Variants in INPP5F observed in about 807,000 individuals in gnomAD.
INPP5F encodes phosphatidylinositide 4-phosphatase SAC2.
A neutral mutation model predicts 137.2 loss-of-function variants in INPP5F; 97 were observed. That is an observed-to-expected ratio of 0.71 (90% CI 0.60 to 0.84). The LOEUF (loss-of-function observed/expected upper bound fraction) is 0.84, where lower values mean the gene tolerates loss of function less well. INPP5F is among the 40% of genes least tolerant of loss of function. INPP5F has a pLI of 0.00. For synonymous variants in INPP5F, 504 were observed against 476.9 expected, an observed-to-expected ratio of 1.06 and a Z score of -0.74; for missense variants, 1,271 against 1,371.9, an observed-to-expected ratio of 0.93 and a Z score of 1.16.
At chr10:119,776,638 A>T (rs575973167) in intron 2 of INPP5F, among the ~76,000 whole-genome samples, 2 of 152,160 alleles carry the variant, frequency 1.3e-5, no homozygotes, top group South Asian at 2.1e-4. Context: ...GGGCAAGAAG[A>T]TGTAAACTAG....
At chr10:119,766,432 C>T (rs968253481) in intron 2 of INPP5F, among the ~76,000 whole-genome samples, 3 of 152,130 alleles carry the variant, frequency 2.0e-5, no homozygotes, top group Non-Finnish European at 4.4e-5. Context: ...GTCAGAGGTT[C>T]TGTTTCTGAC....
chr10:119,751,550 C>T (rs547076873), intron 2 of INPP5F, among the ~76,000 whole-genome samples: 9 of 152,216 alleles, frequency 5.9e-5, no homozygotes, highest in Non-Finnish European at 1.3e-4. Context: ...CTGCCAGAGA[C>T]GAGTATGGGT....
chr10:119,809,092 G>A (rs1007247911), intron 13 of INPP5F, among the ~76,000 whole-genome samples: 9 of 152,008 alleles, frequency 5.9e-5, no homozygotes, highest in South Asian at 2.1e-4. Flanking sequence ...GCATGGTGGC[G>A]TGCGCCTGTA....
chr10:119,734,429 T>C (rs1848166494), intron 1 of INPP5F, among the ~76,000 whole-genome samples: 3 of 152,210 alleles, frequency 2.0e-5, no homozygotes, highest in Admixed American at 2.0e-4. Flanking sequence ...TACTTTCAGG[T>C]TCTTAGGGTA....
chr10:119,726,324 G>T lies in INPP5F; in HGVS notation c.62G>T (p.Cys21Phe). The change falls in exon 1 of 20, where the codon TGC becomes TTC. Residue 21 changes from cysteine to phenylalanine, a missense_variant. Cys to Phe is a radical substitution (Grantham distance 205, BLOSUM62 -2). Transcript: ENST00000650623. ...CAGCAGGGCGAGCGCGCGCTGTGGT[G>T]CAGCCGCCGCGACGGCGGCCTCCAG... ...ILQQGERALW[C>F]SRRDGGLQLR... 6.8e-7 allele frequency: 1 copy of T among 1,472,600 alleles called. No homozygotes were observed. The allele number at this position is 1,472,600 out of a possible 1,614,324, so 91.2% of individuals were successfully genotyped here.
Position 119,827,904 on chromosome 10 carries a change from T to C in INPP5F, c.*124T>C. On this transcript the variant is annotated 3_prime_UTR_variant, in exon 20 of 20. Coordinates refer to ENST00000650623, the MANE Select transcript of INPP5F (RefSeq NM_014937.4). ...AAATTCTGTTCATTGGAAAGGGTTT[T>C]AAACGGAGTCGGAACCTGAGTAGAT... The C allele has an allele frequency of 1.3e-6, 1 of 783,230 alleles. No individual in the cohort carries two copies. The highest frequency in any genetic ancestry group is 2.0e-6 in the Non-Finnish European group (1 of 497,924). The allele number at this position is 783,230 out of a possible 1,614,324, so 48.5% of individuals were successfully genotyped here.
At chr10:119,746,266 C>T (rs1848529594) in intron 1 of INPP5F, among the ~76,000 whole-genome samples, 1 of 152,158 alleles carries the variant, frequency 6.6e-6, no homozygotes, top group Admixed American at 6.5e-5. Context: ...GTCCTTATGC[C>T]TGATGCGCCA....
intron 6 of INPP5F, among the ~76,000 whole-genome samples, chr10:119,796,043 G>A (rs1035056794): frequency 1.3e-5 from 2 of 149,610 alleles, no homozygotes; most frequent in South Asian, 4.4e-4. Context: ...GTCCAGCTTC[G>A]GCTGGGCATC....
chr10:119,737,169 T>C (rs899788846), intron 1 of INPP5F, among the ~76,000 whole-genome samples: 2 of 152,236 alleles, frequency 1.3e-5, no homozygotes, highest in African/African-American at 4.8e-5. Context: ...CTTTAATCTT[T>C]TAAATATTCT....
chr10:119,774,025 G>A (rs1429487816), intron 2 of INPP5F, among the ~76,000 whole-genome samples: 4 of 152,128 alleles, frequency 2.6e-5, no homozygotes, highest in African/African-American at 7.2e-5. Context: ...AGCACTTTGG[G>A]AGGCCAAGGT....
At chr10:119,761,111 G>T (rs1175628110) in intron 2 of INPP5F, among the ~76,000 whole-genome samples, 1 of 152,038 alleles carries the variant, frequency 6.6e-6, no homozygotes. Context: ...TTATTTCAAG[G>T]TTATTTCATT....
In INPP5F at chr10:119,726,324, G is replaced by A. The variant is rs1847886519; in HGVS notation, c.62G>A (p.Cys21Tyr). The A allele has an allele frequency of 2.7e-6, 4 of 1,472,602 alleles. No homozygotes were observed. The highest frequency in any genetic ancestry group is 3.6e-6 in the Non-Finnish European group (4 of 1,109,426). The allele number at this position is 1,472,602 out of a possible 1,614,324, so 91.2% of individuals were successfully genotyped here. ...ILQQGERALW[C>Y]SRRDGGLQLR... Reference sequence around the variant, plus strand: ...CAGCAGGGCGAGCGCGCGCTGTGGTGCAGCCGCCGCGACGGCGGCCTCCAG... The same window carrying A: ...CAGCAGGGCGAGCGCGCGCTGTGGTACAGCCGCCGCGACGGCGGCCTCCAG... The change falls in exon 1 of 20, where the codon TGC (cysteine) becomes TAC (tyrosine). Residue 21 changes from cysteine (C) to tyrosine (Y), a missense_variant. Physicochemically the swap from Cys to Tyr is radical, Grantham distance 194. Coordinates refer to ENST00000650623, the MANE Select transcript of INPP5F (RefSeq NM_014937.4).
At chr10:119,791,239 T>C (rs1850132269) in intron 3 of INPP5F, among the ~76,000 whole-genome samples, 1 of 152,254 alleles carries the variant, frequency 6.6e-6, no homozygotes, top group African/African-American at 2.4e-5. Context: ...ACTCTTCAGT[T>C]ATGTTAGAAG....
chr10:119,794,385 G>A (rs373310050), intron 6 of INPP5F, among the ~76,000 whole-genome samples: 18 of 152,298 alleles, frequency 1.2e-4, no homozygotes, highest in African/African-American at 3.6e-4. Flanking sequence ...TTTTCTTAGT[G>A]CAGAACAAAA....
At chr10:119,729,986 T>C (rs1228663267) in intron 1 of INPP5F, among the ~76,000 whole-genome samples, 2 of 152,162 alleles carry the variant, frequency 1.3e-5, no homozygotes, top group African/African-American at 4.8e-5. Flanking sequence ...GTATTGTTTT[T>C]TTTCTGGTGT....
At chr10:119,794,814 C>T (rs1358651485) in intron 6 of INPP5F, among the ~76,000 whole-genome samples, 1 of 120,840 alleles carries the variant, frequency 8.3e-6, no homozygotes, top group African/African-American at 2.8e-5. Flanking sequence ...CCACCTCCCT[C>T]CCTCCCAGAA....
intron 2 of INPP5F, among the ~76,000 whole-genome samples, chr10:119,759,373 T>G (rs1848943092): frequency 6.6e-6 from 1 of 152,088 alleles, no homozygotes; most frequent in East Asian, 1.9e-4. Context: ...TCAGAGTTAC[T>G]GACTTTTAGA....
rs576454105 is a variant in INPP5F at position 119,754,990 on chromosome 10, C to A, written c.178+3834C>A. Among the ~76,000 whole-genome samples, 41 of 152,308 alleles carry A rather than the reference C, an allele frequency of 2.7e-4. 2 individuals carry two copies. In the South Asian group the frequency reaches 4.1e-3, roughly 15 times the overall value. ...CTATACTGAAACTCTCTCCTGTTTC[C>A]CTCCTACTTATTCTCCACATATTAA... On this transcript the variant is annotated intron_variant, in intron 2 of 19. Transcript: ENST00000650623.
intron 3 of INPP5F, 23 bp from the exon 4 acceptor site, chr10:119,791,494 A>G: frequency 6.4e-7 from 1 of 1,571,274 alleles, no homozygotes; most frequent in Non-Finnish European, 8.7e-7. Context: ...GTAATAACAA[A>G]TCATCTTTCT....
Sources: allele counts gnomAD v4.1 joint callset (sites outside exome capture counted in the v4.1 genomes callset), GRCh38; gene constraint gnomAD v4.1.1; transcripts MANE v1.5; gene names NCBI Gene and HGNC (gene_info 2026-07-23, HGNC 2026-07-21).